Variants in YY1 observed in about 807,000 individuals in gnomAD.
The protein encoded by YY1 is YY1 transcription factor, also known as transcriptional repressor protein YY1.
Under a neutral mutation model 35.6 loss-of-function variants are expected in YY1, and 2 were observed. That is an observed-to-expected ratio of 0.06 (90% CI 0.02 to 0.18). The LOEUF (loss-of-function observed/expected upper bound fraction) is 0.18. Among genes scored for constraint, YY1 ranks in the 10% least tolerant of loss-of-function variants. YY1 has a pLI of 1.00. For synonymous variants in YY1, 268 were observed against 238.9 expected (o/e 1.12, Z -1.12); for missense variants, 322 against 573.4 (o/e 0.56, Z 4.48).
rs1891363794 is a variant in YY1, at chr14:100,278,719, C to G, written c.*1119C>G. Reference sequence around the variant, plus strand: ...AGTTCAGGAACTACCTCAGAACACCCCAGGCCAGGTTGGTCATAGGCTGTG... The same window carrying G: ...AGTTCAGGAACTACCTCAGAACACCGCAGGCCAGGTTGGTCATAGGCTGTG... On this transcript the variant is annotated 3_prime_UTR_variant, in exon 5 of 5. Coordinates refer to ENST00000262238, the MANE Select transcript of YY1 (RefSeq NM_003403.5). 1 of 152,260 alleles carries G rather than the reference C, an allele frequency of 6.6e-6. No homozygotes were observed. The highest frequency in any genetic ancestry group is 6.5e-5 in the Admixed American group (1 of 15,288). The allele number at this position is 152,260 out of a possible 1,614,324, so 9.4% of individuals were successfully genotyped here.
At chr14:100,255,607 C>T (rs1595320810) in intron 1 of YY1, among the ~76,000 whole-genome samples, 2 of 152,174 alleles carry the variant, frequency 1.3e-5, no homozygotes, top group Non-Finnish European at 2.9e-5. Context: ...GGGGACAGAG[C>T]GAGACTCCAT....
chr14:100,277,326 A>T lies in YY1; in HGVS notation c.1063-92A>T. On this transcript the variant is annotated intron_variant, in intron 4 of 4. Coordinates refer to ENST00000262238, the MANE Select transcript of YY1 (RefSeq NM_003403.5). This position sits in a 1 kb window ranked among gnomAD's most constrained non-coding sequence, Gnocchi z 5.6. Reference sequence around the variant, plus strand: ...GAATGAAAAGTGTTTGGTAAAATAAATAGGCTGTTCTCTAGCAAAGCAGTG... The same window carrying T: ...GAATGAAAAGTGTTTGGTAAAATAATTAGGCTGTTCTCTAGCAAAGCAGTG... 2.8e-6 allele frequency: 4 copies of T among 1,446,232 alleles called. No individual in the cohort carries two copies. The highest frequency in any genetic ancestry group is 2.9e-6 in the Non-Finnish European group (3 of 1,030,672). 89.6% of individuals were successfully genotyped at this position (1,446,232 alleles called of 1,614,324 possible). A position where few individuals can be genotyped will look rare whatever the true frequency, so the allele number is the denominator to read the frequency against.
rs1890701190 is a variant in YY1 at position 100,239,883 on chromosome 14, G to A, written c.639G>A (p.Lys213=). 1 of 1,530,820 alleles carries A rather than the reference G, an allele frequency of 6.5e-7. No individual in the cohort carries two copies. Among genetic ancestry groups the A allele is most frequent in the African/African-American group, 1.4e-5 (1 of 70,084 alleles). The allele number at this position is 1,530,820 out of a possible 1,614,324, so 94.8% of individuals were successfully genotyped here. The change falls in exon 1 of 5, where the codon AAG becomes AAA. Residue 213 remains lysine (K), a synonymous_variant. Coordinates refer to ENST00000262238, the MANE Select transcript of YY1 (RefSeq NM_003403.5). ...GGGAGCAGAAGCAGGTGCAGATCAA[G>A]ACCCTGGAGGGCGAGTTCTCGGTCA... ...KKWEQKQVQI[K]TLEGEFSVTM...
At chr14:100,261,531 A>G (rs1891086423) in intron 1 of YY1, among the ~76,000 whole-genome samples, 1 of 152,212 alleles carries the variant, frequency 6.6e-6, no homozygotes, top group African/African-American at 2.4e-5. Context: ...CAGATTTTGA[A>G]CAAGGCTCTG....
rs975518084 is a variant in YY1, at chr14:100,282,390, C to T, written c.*4790C>T. 6.6e-6 allele frequency: 1 copy of T among 152,162 alleles called. No individual in the cohort carries two copies. The highest frequency in any genetic ancestry group is 2.4e-5 in the African/African-American group (1 of 41,402). The allele number at this position is 152,162 out of a possible 1,614,324, so 9.4% of individuals were successfully genotyped here. A position where few individuals can be genotyped will look rare whatever the true frequency, so the allele number is the denominator to read the frequency against. Reference sequence around the variant, plus strand: ...GCTCTCTCTGGGGGCCGCACAATGTCCGCACACATCACGGAGGGGAGAAAG... The same window carrying T: ...GCTCTCTCTGGGGGCCGCACAATGTTCGCACACATCACGGAGGGGAGAAAG... On this transcript the variant is annotated 3_prime_UTR_variant, in exon 5 of 5. Transcript: ENST00000262238.
chr14:100,265,307 G>C (rs919665032), intron 2 of YY1: 3 of 152,300 alleles, frequency 2.0e-5, no homozygotes, highest in Non-Finnish European at 2.9e-5. Context: ...GAACCCAGGA[G>C]GGGGAGGTTG....
chr14:100,268,433 G>A lies in YY1; in HGVS notation c.842+5967G>A, dbSNP rs540439666. ...AAGTGGTCAGTGAGTGGTCCAGTGA[G>A]TTCTGTTTCCTGTAAAGTGACCACC... On this transcript the variant is annotated intron_variant, in intron 2 of 4. Coordinates refer to ENST00000262238, the MANE Select transcript of YY1 (RefSeq NM_003403.5). 4.6e-5 allele frequency among the ~76,000 whole-genome samples: 7 copies of A among 152,310 alleles called. No homozygotes were observed. In the South Asian group the frequency reaches 1.5e-3, roughly 32 times the overall value.
chr14:100,273,071 C>T (rs543126241), intron 2 of YY1, among the ~76,000 whole-genome samples: 6 of 151,240 alleles, frequency 4.0e-5, no homozygotes, highest in African/African-American at 1.5e-4. Flanking sequence ...AAGCAATTCT[C>T]CTCCCTCAGC....
intron 1 of YY1, among the ~76,000 whole-genome samples, chr14:100,252,259 AT>A (rs1370757595): frequency 1.3e-5 from 2 of 152,168 alleles, no homozygotes; most frequent in African/African-American, 4.8e-5. Context: ...ACTCAGTCTT[AT>A]GCTTTGCTCC....
chr14:100,258,344 G>T (rs1481076350), intron 1 of YY1, among the ~76,000 whole-genome samples: 3 of 152,074 alleles, frequency 2.0e-5, no homozygotes, highest in African/African-American at 7.2e-5. Flanking sequence ...CTTAGGGTCA[G>T]TAACCATATT....
intron 2 of YY1, among the ~76,000 whole-genome samples, chr14:100,266,918 T>C (rs905260363): frequency 6.6e-6 from 1 of 152,108 alleles, no homozygotes; most frequent in African/African-American, 2.4e-5. Flanking sequence ...GAAGATATAA[T>C]ACAGCGAAAT....
intron 2 of YY1, among the ~76,000 whole-genome samples, chr14:100,271,754 A>G (rs1171733651): frequency 6.6e-6 from 1 of 151,790 alleles, no homozygotes; most frequent in Non-Finnish European, 1.5e-5. Flanking sequence ...AAAGGATTCT[A>G]CCTCCTCAGC....
rs1273277003 is a variant in YY1 at position 100,239,781 on chromosome 14, G to T, written c.537G>T (p.Lys179Asn). 1 of 1,561,758 alleles carries T rather than the reference G, an allele frequency of 6.4e-7. No individual in the cohort carries two copies. The highest frequency in any genetic ancestry group is 1.1e-5 in the South Asian group (1 of 87,446). The change falls in exon 1 of 5, where the codon AAG becomes AAT. Residue 179 changes from lysine (K) to asparagine (N), a missense_variant. By Grantham distance (94) the Lys-to-Asn change is moderately conservative. Transcript: ENST00000262238. ...GGRVKKGGGK[K>N]SGKKSYLSGG... ...GCGTCAAGAAGGGCGGCGGCAAGAA[G>T]AGCGGCAAGAAGAGTTACCTCAGCG...
intron 2 of YY1, among the ~76,000 whole-genome samples, chr14:100,271,260 AT>A (rs1430982613): frequency 6.6e-6 from 1 of 152,124 alleles, no homozygotes; most frequent in East Asian, 1.9e-4. Flanking sequence ...AAATAAATAA[AT>A]TAATTAAATT....
At chr14:100,252,015 C>T (rs1361290719) in intron 1 of YY1, among the ~76,000 whole-genome samples, 1 of 152,118 alleles carries the variant, frequency 6.6e-6, no homozygotes, top group African/African-American at 2.4e-5. Context: ...AGGAAGAGAT[C>T]TTAATTTGGG....
At position 100,239,886 on chromosome 14, in the gene YY1, C is replaced by T. The variant is rs999104562; in HGVS notation, c.642C>T (p.Thr214=). 5.9e-6 allele frequency: 9 copies of T among 1,530,010 alleles called. No homozygotes were observed. The highest frequency in any genetic ancestry group is 5.2e-5 in the East Asian group (2 of 38,502). The allele number at this position is 1,530,010 out of a possible 1,614,324, so 94.8% of individuals were successfully genotyped here. A position where few individuals can be genotyped will look rare whatever the true frequency, so the allele number is the denominator to read the frequency against. ...AGCAGAAGCAGGTGCAGATCAAGAC[C>T]CTGGAGGGCGAGTTCTCGGTCACCA... ...KWEQKQVQIK[T]LEGEFSVTMW... The change falls in exon 1 of 5, where the codon ACC becomes ACT. Residue 214 remains threonine, a synonymous_variant. Coordinates refer to ENST00000262238, the MANE Select transcript of YY1 (RefSeq NM_003403.5).
intron 1 of YY1, among the ~76,000 whole-genome samples, chr14:100,247,855 A>G (rs951287336): frequency 3.9e-5 from 6 of 152,218 alleles, no homozygotes; most frequent in African/African-American, 1.4e-4. Flanking sequence ...GATCTTTCTA[A>G]AATGAGTTGG....
In YY1 at chr14:100,281,796, G is replaced by A. The variant is rs902876335; in HGVS notation, c.*4196G>A. The A allele has an allele frequency of 2.6e-5, 4 of 152,224 alleles. No homozygotes were observed. Among genetic ancestry groups the A allele is most frequent in the African/African-American group, 9.6e-5 (4 of 41,454 alleles). 9.4% of individuals were successfully genotyped at this position (152,224 alleles called of 1,614,324 possible). A position where few individuals can be genotyped will look rare whatever the true frequency, so the allele number is the denominator to read the frequency against. On this transcript the variant is annotated 3_prime_UTR_variant, in exon 5 of 5. Coordinates refer to ENST00000262238, the MANE Select transcript of YY1 (RefSeq NM_003403.5). ...TGCTCAGATGCCCTGGTTGCCTGAA[G>A]ATGGTTTAAGTGCAGGCCCTTCAGA...
chr14:100,275,155 G>T (rs1039788268), intron 3 of YY1, among the ~76,000 whole-genome samples: 1 of 152,128 alleles, frequency 6.6e-6, no homozygotes, highest in Admixed American at 6.5e-5. Context: ...CTTAATAATT[G>T]TGTGTGATTA....
Sources: allele counts gnomAD v4.1 joint callset (sites outside exome capture counted in the v4.1 genomes callset), GRCh38; gene constraint gnomAD v4.1.1; non-coding constraint Gnocchi (gnomAD v3.1); transcripts MANE v1.5; gene names NCBI Gene and HGNC (gene_info 2026-07-23, HGNC 2026-07-21).